The following ZFP90 variants were observed in gnomAD, a reference collection of about 807,000 sequenced individuals.
The protein encoded by ZFP90 is ZFP90 zinc finger protein, also known as zinc finger protein 90 homolog.
ZFP90 carries 38 observed loss-of-function variants against 60.8 expected under a neutral mutation model. That is an observed-to-expected ratio of 0.62 (90% CI 0.48 to 0.82). The LOEUF is 0.82. Ranked by LOEUF, ZFP90 falls within the 40% of genes least tolerant of loss-of-function variation. ZFP90 has a pLI of 0.00. For synonymous variants in ZFP90, 287 were observed against 264.8 expected (o/e 1.08, Z -0.82); for missense variants, 711 against 759.1 (o/e 0.94, Z 0.74).
At chr16:68,544,645 C>T (rs943513358) in intron 2 of ZFP90, among the ~76,000 whole-genome samples, 2 of 152,070 alleles carry the variant, frequency 1.3e-5, no homozygotes, top group Admixed American at 1.3e-4. Context: ...CAAACTTAGA[C>T]AAGATGCTTC....
Position 68,564,870 on chromosome 16 carries a change from C to A in ZFP90, c.*172C>A. 1 of 1,391,514 alleles carries A rather than the reference C, an allele frequency of 7.2e-7. No individual in the cohort carries two copies. Among genetic ancestry groups the A allele is most frequent in the Non-Finnish European group, 9.3e-7 (1 of 1,079,474 alleles). 86.2% of individuals were successfully genotyped at this position (1,391,514 alleles called of 1,614,324 possible). A position where few individuals can be genotyped will look rare whatever the true frequency, so the allele number is the denominator to read the frequency against. On this transcript the variant is annotated 3_prime_UTR_variant, in exon 5 of 5. Coordinates refer to ENST00000563169, the MANE Select transcript of ZFP90 (RefSeq NM_001305203.2). ...TTTTTTTTTAACATAAAGACACATT[C>A]TCAGATCTGATTACAGACTAGTGTA...
In ZFP90 at chr16:68,539,704, CGGGGT is replaced by C. The variant is rs1292979454; in HGVS notation, c.-35-48_-35-44del. The C allele has an allele frequency of 2.1e-5, 18 of 868,754 alleles. No individual in the cohort carries two copies. In the Admixed American group the frequency reaches 4.4e-4, roughly 21 times the overall value. 53.8% of individuals were successfully genotyped at this position (868,754 alleles called of 1,614,324 possible). ...GGGGCGGAGGTGGGGCGGGGCGGGG[CGGGGT>C]GGGGTCGGTGTTGCAGCGGGGTGAG... On this transcript the variant is annotated intron_variant, in intron 1 of 4. Transcript: ENST00000563169.
chr16:68,572,246 G>A (rs1005358176), intron 2 of ZFP90, among the ~76,000 whole-genome samples: 2 of 152,050 alleles, frequency 1.3e-5, no homozygotes, highest in African/African-American at 4.8e-5. Context: ...ATGGATAAAG[G>A]AGTCAAGAAA....
chr16:68,558,195 G>T, intron 3 of ZFP90, 71 bp downstream of exon 3: 5 of 1,590,718 alleles, frequency 3.1e-6, no homozygotes, highest in South Asian at 1.1e-5. Flanking sequence ...TAGTGGTGGT[G>T]CCCAGAGCTT....
At chr16:68,576,261 T>A (rs1597764048), downstream of ZFP90, among the ~76,000 whole-genome samples, 1 of 152,284 alleles carries the variant, frequency 6.6e-6, no homozygotes, top group East Asian at 1.9e-4. Context: ...AAGACTCTAC[T>A]CACAAGACTT....
At position 68,563,326 on chromosome 16, in the gene ZFP90, T is replaced by A. The variant is rs772136848; in HGVS notation, c.539T>A (p.Ile180Lys). The stretch of plus-strand genomic sequence containing the variant: ...ACACAACTGAACATTCCTGCAAGAA[T>A]AAGGCCTAGTGAATGTGAGACCCTT... Reference protein sequence around the residue: ...LVTQLNIPARIRPSECETLGS... With the variant: ...LVTQLNIPARKRPSECETLGS... Residue 180 changes from isoleucine (I) to lysine (K), a missense_variant, in exon 5 of 5, where the codon ATA (isoleucine) becomes AAA (lysine). Ile to Lys is a moderately radical substitution (Grantham distance 102). Transcript: ENST00000563169. The A allele has an allele frequency of 6.2e-7, 1 of 1,614,206 alleles. No individual in the cohort carries two copies. Among genetic ancestry groups the A allele is most frequent in the South Asian group, 1.1e-5 (1 of 91,088 alleles).
At chr16:68,556,292 G>A (rs1488754121) in intron 2 of ZFP90, among the ~76,000 whole-genome samples, 1 of 130,866 alleles carries the variant, frequency 7.6e-6, no homozygotes, top group Non-Finnish European at 1.6e-5. Context: ...TGACAATTGG[G>A]AGGCATGGGG....
chr16:68,566,232 A>G lies in ZFP90; in HGVS notation c.*1534A>G. 3.0e-6 allele frequency: 3 copies of G among 985,588 alleles called. No individual in the cohort carries two copies. Among genetic ancestry groups the G allele is most frequent in the South Asian group, 9.4e-5 (2 of 21,280 alleles). 61.1% of individuals were successfully genotyped at this position (985,588 alleles called of 1,614,324 possible). ...CCTAATGACTCCCATGGGCTATCCT[A>G]AAGGAACTTCCAGAACCTTTGTTGG... On this transcript the variant is annotated 3_prime_UTR_variant, in exon 5 of 5. Transcript: ENST00000563169.
chr16:68,575,550 AAAAAAG>A (rs1312282484), intron 2 of ZFP90, among the ~76,000 whole-genome samples: 1 of 151,200 alleles, frequency 6.6e-6, no homozygotes, highest in African/African-American at 2.4e-5. Context: ...AAAAAAAAAA[AAAAAAG>A]GCTAAAACAA....
At chr16:68,551,415 CTTTTTTT>C (rs10538200) in intron 2 of ZFP90, among the ~76,000 whole-genome samples, 11 of 123,018 alleles carry the variant, frequency 8.9e-5, no homozygotes, top group Admixed American at 1.8e-4. Context: ...ACATGTGATC[CTTTTTTT>C]TTTTTTTTTT....
intron 2 of ZFP90, among the ~76,000 whole-genome samples, chr16:68,550,742 T>C (rs1273108143): frequency 6.6e-6 from 1 of 152,350 alleles, no homozygotes; most frequent in Middle Eastern, 3.4e-3. Context: ...CATATTAGAC[T>C]GTGTGGCTGT....
chr16:68,545,248 G>C lies in ZFP90; in HGVS notation c.33+5423G>C, dbSNP rs191105902. On this transcript the variant is annotated intron_variant, in intron 2 of 4. Coordinates refer to ENST00000563169, the MANE Select transcript of ZFP90 (RefSeq NM_001305203.2). ...ATTTACCCAGCCTTCTCTGTACCAG[G>C]TTTTGTACTCTTTCAGAGTAAGGCC... Among the ~76,000 whole-genome samples, 834 of 152,014 alleles carry C rather than the reference G, an allele frequency of 5.5e-3. 31 individuals carry two copies. The highest frequency in any genetic ancestry group is 0.048 in the Admixed American group (740 of 15,260).
intron 2 of ZFP90, among the ~76,000 whole-genome samples, chr16:68,554,804 A>G (rs1426393789): frequency 6.6e-6 from 1 of 152,152 alleles, no homozygotes; most frequent in Non-Finnish European, 1.5e-5. Context: ...AAAATAAAAC[A>G]AAATAAACCA....
chr16:68,573,838 C>T (rs7194242), intron 2 of ZFP90: 33,936 of 152,160 alleles, frequency 0.22, 4,808 homozygotes, highest in African/African-American at 0.4. Context: ...CTAGGGACTA[C>T]GTTCCCCGAA....
At position 68,566,668 on chromosome 16, in the gene ZFP90, C is replaced by A; in HGVS notation, c.*1970C>A. 1.0e-6 allele frequency: 1 copy of A among 985,570 alleles called. No individual in the cohort carries two copies. The highest frequency in any genetic ancestry group is 1.2e-6 in the Non-Finnish European group (1 of 829,948). 61.1% of individuals were successfully genotyped at this position (985,570 alleles called of 1,614,324 possible). On this transcript the variant is annotated 3_prime_UTR_variant, in exon 5 of 5. Coordinates refer to ENST00000563169, the MANE Select transcript of ZFP90 (RefSeq NM_001305203.2). ...CACCATGATTAGCTCACACACAATGCCAAGGCTGTGCTTCTATTATCTGAT... is the reference window on the plus strand; with the variant it reads ...CACCATGATTAGCTCACACACAATGACAAGGCTGTGCTTCTATTATCTGAT...
intron 2 of ZFP90, among the ~76,000 whole-genome samples, chr16:68,544,779 TG>T (rs1423419948): frequency 1.3e-5 from 2 of 150,486 alleles, no homozygotes; most frequent in Non-Finnish European, 3.0e-5. Context: ...TGACAGGAGG[TG>T]GTCTCTAAGT....
chr16:68,537,314 T>TG (rs1162153277), upstream of ZFP90, among the ~76,000 whole-genome samples: 6 of 151,674 alleles, frequency 4.0e-5, no homozygotes, highest in Non-Finnish European at 8.8e-5. Flanking sequence ...TTAGTAGAGA[T>TG]GGGGTTTTAC....
chr16:68,569,591 A>T (rs1199777267), downstream of ZFP90, among the ~76,000 whole-genome samples: 1 of 152,104 alleles, frequency 6.6e-6, no homozygotes, highest in Non-Finnish European at 1.5e-5. Flanking sequence ...TTTCCTAGTT[A>T]ACTGAGAACA....
intron 2 of ZFP90, among the ~76,000 whole-genome samples, chr16:68,545,010 G>C (rs2091122434): frequency 6.6e-6 from 1 of 151,296 alleles, no homozygotes; most frequent in South Asian, 2.1e-4. Flanking sequence ...CTCCAGAGTA[G>C]CTGGGACTAC....
Sources: gnomAD v4.1 joint callset for allele counts (sites outside exome capture counted in the v4.1 genomes callset) on GRCh38, gnomAD v4.1.1 for gene constraint, MANE v1.5 for transcripts, NCBI Gene and HGNC (gene_info 2026-07-23, HGNC 2026-07-21) for gene names.